HECW1: variants seen among roughly 807,000 people sequenced by gnomAD.
HECW1 encodes E3 ubiquitin-protein ligase HECW1.
A neutral mutation model predicts 182.3 loss-of-function variants in HECW1; 61 were observed. That is an observed-to-expected ratio of 0.33 (90% CI 0.27 to 0.41). HECW1 has a LOEUF of 0.41. Ranked by LOEUF, HECW1 falls within the 10% of genes least tolerant of loss-of-function variation. The pLI, the probability that HECW1 is intolerant of heterozygous loss-of-function variation, is 1.00. For missense variants in HECW1, 1,739 were observed against 2,108.9 expected (o/e 0.82, Z 3.44); for synonymous variants, 859 against 832.6 (o/e 1.03, Z -0.55).
intron 5 of HECW1, among the ~76,000 whole-genome samples, chr7:43,354,200 A>AC (rs397933557): frequency 6.6e-6 from 1 of 150,584 alleles, no homozygotes; most frequent in African/African-American, 2.5e-5. Flanking sequence ...AAAAAAAAAA[A>AC]GGCCAGACAG....
chr7:43,345,100 C>T (rs1193875730), intron 5 of HECW1, among the ~76,000 whole-genome samples: 1 of 152,066 alleles, frequency 6.6e-6, no homozygotes, highest in Non-Finnish European at 1.5e-5. Context: ...GAGGAGAGAG[C>T]AGAAGAGGAA....
rs2081355275 is a variant in HECW1 at position 43,541,271 on chromosome 7, T to TTG, written c.4118+11_4118+12dup. ...AGGCACTCCTGAGACTGTAAGTGCT[T>TTG]TGCAGACCATGCTTCCAACCCAGCC... On this transcript the variant is annotated intron_variant, in intron 25 of 29. Transcript: ENST00000395891. 1 of 1,603,548 alleles carries TTG rather than the reference T, an allele frequency of 6.2e-7. No individual in the cohort carries two copies. Among genetic ancestry groups the TTG allele is most frequent in the African/African-American group, 1.3e-5 (1 of 74,700 alleles).
chr7:43,351,661 T>C (rs2152806515), intron 5 of HECW1, among the ~76,000 whole-genome samples: 1 of 151,426 alleles, frequency 6.6e-6, no homozygotes, highest in East Asian at 2.0e-4. Context: ...CTTTGTCAGC[T>C]GTTTTTTTTC....
At chr7:43,495,885 G>A (rs576271061) in intron 19 of HECW1, among the ~76,000 whole-genome samples, 5 of 152,166 alleles carry the variant, frequency 3.3e-5, no homozygotes, top group East Asian at 3.9e-4. Context: ...CATTCTTTAC[G>A]TTACTGATTC....
rs1300108688 is a variant in HECW1 at position 43,383,143 on chromosome 7, TGG to T, written c.556-13670_556-13669del. On this transcript the variant is annotated intron_variant, in intron 6 of 29. Coordinates refer to ENST00000395891, the MANE Select transcript of HECW1 (RefSeq NM_015052.5). ...TTTTTTATGGCAGCATAGTATTCCA[TGG>T]TGTATGTGTGCCACATTTTCTTTAT... Among the ~76,000 whole-genome samples, 4 of 152,242 alleles carry T rather than the reference TGG, an allele frequency of 2.6e-5. No homozygotes were observed. The East Asian group carries it at 7.7e-4, about 29-fold the overall frequency.
At chr7:43,390,537 T>TAAAAGAAAAAAAAAAAA (rs2074983152) in intron 6 of HECW1, among the ~76,000 whole-genome samples, 1 of 111,228 alleles carries the variant, frequency 9.0e-6, no homozygotes, top group Non-Finnish European at 1.9e-5. Context: ...AAGCAACTCT[T>TAAAAGAAAAAAAAAAAA]AAAAAAAAAA....
chr7:43,523,036 T>C (rs1197938541), intron 24 of HECW1: 1 of 447,382 alleles, frequency 2.2e-6, no homozygotes, highest in African/African-American at 2.0e-5. Flanking sequence ...GGAATTTCGC[T>C]CTTGTCCCCC....
chr7:43,324,219 G>T (rs750419423), intron 5 of HECW1, among the ~76,000 whole-genome samples: 1 of 152,086 alleles, frequency 6.6e-6, no homozygotes, highest in Admixed American at 6.5e-5. Flanking sequence ...GGGAAAGGCA[G>T]GTACTTACAT....
chr7:43,314,913 G>C lies in HECW1; in HGVS notation c.352+2826G>C, dbSNP rs374116206. Among the ~76,000 whole-genome samples, 15 of 152,346 alleles carry C rather than the reference G, an allele frequency of 9.8e-5. No homozygotes were observed. In the East Asian group the frequency reaches 1.3e-3, roughly 14 times the overall value. On this transcript the variant is annotated intron_variant, in intron 4 of 29. Transcript: ENST00000395891. ...TCATCTGTCATTTCATGAATGAGGA[G>C]ATGTCGAATCAGTGGCTCCCACAGT... is the stretch of plus-strand genomic sequence containing the variant.
intron 2 of HECW1, among the ~76,000 whole-genome samples, chr7:43,196,796 A>G (rs1794500523): frequency 6.6e-6 from 1 of 152,218 alleles, no homozygotes; most frequent in South Asian, 2.1e-4. Context: ...ATTTAAATCT[A>G]TGGTGGTTTT....
intron 3 of HECW1, chr7:43,274,465 A>G: frequency 3.2e-6 from 2 of 628,354 alleles, no homozygotes. Flanking sequence ...CCTGACCACC[A>G]TGGGCCGGCA....
chr7:43,549,398 C>T (rs536813132), intron 26 of HECW1, among the ~76,000 whole-genome samples: 1 of 152,328 alleles, frequency 6.6e-6, no homozygotes, highest in South Asian at 2.1e-4. Flanking sequence ...CCTGTGTCCA[C>T]AAGTGCCAAA....
chr7:43,512,402 T>C (rs183514470), intron 24 of HECW1, among the ~76,000 whole-genome samples: 1 of 152,178 alleles, frequency 6.6e-6, no homozygotes, highest in East Asian at 1.9e-4. Context: ...GCTTCAAAAG[T>C]TGTTGTTGGT....
chr7:43,507,175 C>A lies in HECW1; in HGVS notation c.3670C>A (p.Arg1224=), dbSNP rs1329359267. The part of the protein sequence containing the change: ...RASARAPSPY[R]RDFEAKLRNF... ...CAGTGCAAGAGCCCCTTCCCCCTAC[C>A]GAAGAGACTTTGAGGCCAAGCTCCG... The change falls in exon 22 of 30, where the codon CGA becomes AGA. Residue 1224 remains arginine (R), a synonymous_variant. Transcript: ENST00000395891. 6.2e-7 allele frequency: 1 copy of A among 1,613,980 alleles called. No homozygotes were observed. The highest frequency in any genetic ancestry group is 1.1e-5 in the South Asian group (1 of 91,070).
chr7:43,118,329 T>C (rs1268062604), intron 2 of HECW1: 1 of 152,708 alleles, frequency 6.5e-6, no homozygotes, highest in African/African-American at 2.4e-5. Context: ...GGATGTTCCC[T>C]GCTTTTGCTT....
rs190676239 is a variant in HECW1 at position 43,265,536 on chromosome 7, A to G, written c.27+21604A>G. Among the ~76,000 whole-genome samples, 869 of 152,328 alleles carry G rather than the reference A, an allele frequency of 5.7e-3. 8 individuals carry two copies. Among genetic ancestry groups the G allele is most frequent in the African/African-American group, 0.019 (810 of 41,580 alleles). On this transcript the variant is annotated intron_variant, in intron 3 of 29. Coordinates refer to ENST00000395891, the MANE Select transcript of HECW1 (RefSeq NM_015052.5). ...GCTATCTTGACCTACAAAAATGGCA[A>G]TTTCATAAGGTTCATGCTAATAAGT...
intron 29 of HECW1, among the ~76,000 whole-genome samples, chr7:43,558,826 G>A (rs1041068547): frequency 6.6e-6 from 1 of 152,158 alleles, no homozygotes; most frequent in African/African-American, 2.4e-5. Flanking sequence ...GCTGTCAAAT[G>A]CTTTTAAAGA....
At chr7:43,248,366 A>G (rs899748210) in intron 3 of HECW1, among the ~76,000 whole-genome samples, 6 of 151,988 alleles carry the variant, frequency 3.9e-5, no homozygotes, top group Non-Finnish European at 8.8e-5. Flanking sequence ...TCCAAACTGA[A>G]AACGATCCTG....
chr7:43,440,326 A>G (rs1187252914), intron 9 of HECW1: 1 of 152,380 alleles, frequency 6.6e-6, no homozygotes, highest in Non-Finnish European at 1.5e-5. Context: ...CCCCCTGGGC[A>G]CACATGCACT....
Sources: allele counts gnomAD v4.1 joint callset (sites outside exome capture counted in the v4.1 genomes callset), GRCh38; gene constraint gnomAD v4.1.1; transcripts MANE v1.5; gene names NCBI Gene and HGNC (gene_info 2026-07-23, HGNC 2026-07-21).